Variants in SCN2A observed in about 807,000 individuals in gnomAD.
SCN2A encodes sodium channel protein type 2 subunit alpha.
Under a neutral mutation model 188.7 loss-of-function variants are expected in SCN2A, and 20 were observed. The ratio of observed to expected loss-of-function variants is 0.11; its 90% CI spans 0.07 to 0.15. The LOEUF is 0.15. SCN2A is among the 10% of genes least tolerant of loss of function. The pLI, the probability that SCN2A is intolerant of heterozygous loss-of-function variation, is 1.00. For missense variants in SCN2A, 1,278 were observed against 2,445.0 expected (o/e 0.52, Z 10.07); for synonymous variants, 804 against 833.1 (o/e 0.97, Z 0.60).
rs140190615 is a variant in SCN2A at position 165,385,963 on chromosome 2, A to T, written c.4552-783A>T. Reference sequence around the variant, plus strand: ...CATGATGGTGTTCTGTGCACTGAGAACATAATACGTGAGTTTATAAAACCT... The same window carrying T: ...CATGATGGTGTTCTGTGCACTGAGATCATAATACGTGAGTTTATAAAACCT... On this transcript the variant is annotated intron_variant, in intron 25 of 26. Transcript: ENST00000375437. 1.9e-3 allele frequency among the ~76,000 whole-genome samples: 287 copies of T among 152,336 alleles called. No homozygotes were observed. In the East Asian group the frequency reaches 0.04, roughly 21 times the overall value.
chr2:165,265,642 A>G (rs1036264430), intron 1 of SCN2A, among the ~76,000 whole-genome samples: 2 of 150,336 alleles, frequency 1.3e-5, no homozygotes. Context: ...TAGTAAAACT[A>G]TAGTTAGGCT....
intron 1 of SCN2A, among the ~76,000 whole-genome samples, chr2:165,291,436 C>CTCTTTCTTCCTTTCTT (rs1553563561): frequency 1.2e-4 from 8 of 65,406 alleles, no homozygotes; most frequent in Non-Finnish European, 1.2e-4. Flanking sequence ...GTCTTTCTTT[C>CTCTTTCTTCCTTTCTT]TCTTTCTTTC....
intron 18 of SCN2A, among the ~76,000 whole-genome samples, chr2:165,365,476 C>G (rs1264692114): frequency 1.3e-5 from 2 of 149,314 alleles, no homozygotes; most frequent in African/African-American, 4.9e-5. Context: ...AAAAATGCAA[C>G]TTTTTAAAAG....
intron 25 of SCN2A, among the ~76,000 whole-genome samples, chr2:165,386,036 A>C (rs1332904669): frequency 6.6e-6 from 1 of 152,198 alleles, no homozygotes; most frequent in Non-Finnish European, 1.5e-5. Flanking sequence ...AATACAGTTG[A>C]ATATACAATA....
At chr2:165,283,224 G>T (rs1038741419) in intron 1 of SCN2A, among the ~76,000 whole-genome samples, 1 of 152,168 alleles carries the variant, frequency 6.6e-6, no homozygotes, top group African/African-American at 2.4e-5. Context: ...AATTTCTAAG[G>T]AAGATAAGTT....
chr2:165,244,793 G>T (rs1693773742), intron 1 of SCN2A, among the ~76,000 whole-genome samples: 1 of 152,050 alleles, frequency 6.6e-6, no homozygotes, highest in Non-Finnish European at 1.5e-5. Flanking sequence ...GATTAGTTGG[G>T]AGTATAATAT....
chr2:165,377,401 A>G (rs1701372515), intron 22 of SCN2A, among the ~76,000 whole-genome samples, 196 bp from the exon 23 acceptor site: 1 of 151,992 alleles, frequency 6.6e-6, no homozygotes, highest in Admixed American at 6.6e-5. Context: ...TCCACATAAG[A>G]TGTTATAGAG....
chr2:165,336,776 A>G (rs1433792271), intron 14 of SCN2A, among the ~76,000 whole-genome samples: 1 of 151,970 alleles, frequency 6.6e-6, no homozygotes, highest in Non-Finnish European at 1.5e-5. Context: ...TGGATGTTCA[A>G]GTTGATTCCA....
At chr2:165,276,688 A>G (rs1208466280) in intron 1 of SCN2A, among the ~76,000 whole-genome samples, 1 of 152,154 alleles carries the variant, frequency 6.6e-6, no homozygotes, top group Non-Finnish European at 1.5e-5. Context: ...TTATTAATTC[A>G]GTACCACATA....
chr2:165,249,081 T>C (rs1693981054), intron 1 of SCN2A, among the ~76,000 whole-genome samples: 2 of 152,158 alleles, frequency 1.3e-5, no homozygotes, highest in Non-Finnish European at 2.9e-5. Flanking sequence ...AATGTTTTTC[T>C]CTTGTGACTT....
intron 19 of SCN2A, among the ~76,000 whole-genome samples, chr2:165,369,350 C>T (rs548826767): frequency 1.3e-5 from 2 of 152,200 alleles, no homozygotes; most frequent in East Asian, 1.9e-4. Context: ...AATTGCACAA[C>T]GTGCTGGCAC....
intron 13 of SCN2A, chr2:165,327,426 T>G (rs1698417750): frequency 5.2e-6 from 1 of 191,962 alleles, no homozygotes; most frequent in African/African-American, 2.4e-5. Context: ...TGAAGCAAAG[T>G]GTTTAAAATT....
chr2:165,244,064 A>G lies in SCN2A; in HGVS notation c.-52+4424A>G, dbSNP rs189665674. 3.6e-4 allele frequency among the ~76,000 whole-genome samples: 55 copies of G among 152,150 alleles called. No homozygotes were observed. The East Asian group carries it at 0.01, about 29-fold the overall frequency. ...CTAGACAAGCCTGGCCAATATGGTGAAAACCTGTCTCTAGTAAAAATACAA... is the reference window on the plus strand; with the variant it reads ...CTAGACAAGCCTGGCCAATATGGTGGAAACCTGTCTCTAGTAAAAATACAA... On this transcript the variant is annotated intron_variant, in intron 1 of 26. Coordinates refer to ENST00000375437, the MANE Select transcript of SCN2A (RefSeq NM_001040142.2).
rs1695899351 is a variant in SCN2A, at chr2:165,287,502, C to A, written c.-51-8271C>A. ...GAACTTATCAGGAAGCCTCTGATCA[C>A]CAGGTTCAGGTGTTTTTTTTTTTTA... On this transcript the variant is annotated intron_variant, in intron 1 of 26. Coordinates refer to ENST00000375437, the MANE Select transcript of SCN2A (RefSeq NM_001040142.2). Among the ~76,000 whole-genome samples, 9 of 150,416 alleles carry A rather than the reference C, an allele frequency of 6.0e-5. No individual in the cohort carries two copies. The South Asian group carries it at 1.7e-3, about 28-fold the overall frequency.
intron 1 of SCN2A, among the ~76,000 whole-genome samples, chr2:165,277,307 T>C (rs929203866): frequency 1.3e-5 from 2 of 152,220 alleles, no homozygotes; most frequent in African/African-American, 4.8e-5. Flanking sequence ...CTTATAATTG[T>C]TAAAAAGTAA....
chr2:165,334,470 G>C (rs970815082), intron 14 of SCN2A, among the ~76,000 whole-genome samples: 14 of 151,614 alleles, frequency 9.2e-5, no homozygotes, highest in South Asian at 2.1e-4. Context: ...CAGTGATGCA[G>C]GGCTGGACCA....
chr2:165,375,342 C>G (rs1295065863), intron 22 of SCN2A, among the ~76,000 whole-genome samples: 2 of 151,392 alleles, frequency 1.3e-5, no homozygotes, highest in Non-Finnish European at 2.9e-5. Context: ...CCTAATTGTC[C>G]ATCAACAGAT....
chr2:165,387,102 T>C, intron 26 of SCN2A, 86 bp downstream of exon 26: 1 of 1,338,102 alleles, frequency 7.5e-7, no homozygotes, highest in Admixed American at 1.7e-5. Flanking sequence ...TCACTAATCT[T>C]TCTCATTCAT....
At chr2:165,362,635 G>T (rs903195017) in intron 17 of SCN2A, among the ~76,000 whole-genome samples, 1 of 151,958 alleles carries the variant, frequency 6.6e-6, no homozygotes, top group Admixed American at 6.6e-5. Context: ...CTATATTGGT[G>T]TATTATCCAT....
Sources: gnomAD v4.1 joint callset for allele counts (sites outside exome capture counted in the v4.1 genomes callset) on GRCh38, gnomAD v4.1.1 for gene constraint, MANE v1.5 for transcripts, NCBI Gene and HGNC (gene_info 2026-07-23, HGNC 2026-07-21) for gene names.